HELB: variants seen among roughly 807,000 people sequenced by gnomAD.
HELB encodes the protein DNA 5'-3' helicase B.
In HELB, 96 loss-of-function variants were observed where a neutral mutation model predicts 101.7. The ratio of observed to expected loss-of-function variants is 0.94; its 90% CI spans 0.80 to 1.12. The LOEUF is 1.12. Ranked by LOEUF, HELB falls within the 50% of genes most tolerant of loss-of-function variation. The pLI, the probability that HELB is intolerant of heterozygous loss-of-function variation, is 0.00. For synonymous variants in HELB, 437 were observed against 459.7 expected (o/e 0.95, Z 0.63); for missense variants, 1,210 against 1,291.9 (o/e 0.94, Z 0.97).
At position 66,331,300 on chromosome 12, in the gene HELB, C is replaced by T. The variant is rs1448198703; in HGVS notation, c.2817C>T (p.Asn939=). Residue 939 remains asparagine (N), a synonymous_variant, in exon 12 of 13, where the codon AAC becomes AAT. Coordinates refer to ENST00000247815, the MANE Select transcript of HELB (RefSeq NM_001370285.1). ...AGCTCCGGAATGCCATTATGAAAAA[C>T]AGTTTTCCTAGAAAAACTCGTTTGA... ...ESQLRNAIMK[N]SFPRKTRLKH... 6.2e-7 allele frequency: 1 copy of T among 1,614,038 alleles called. No individual in the cohort carries two copies. The highest frequency in any genetic ancestry group is 8.5e-7 in the Non-Finnish European group (1 of 1,180,028).
At chr12:66,342,055 G>A (rs907912327), downstream of HELB, 2 of 152,054 alleles carry the variant, frequency 1.3e-5, no homozygotes, top group African/African-American at 4.8e-5. Flanking sequence ...TGTGCTTTTG[G>A]TGTTATATCC....
At chr12:66,335,252 G>T (rs963579048) in intron 12 of HELB, among the ~76,000 whole-genome samples, 1 of 152,150 alleles carries the variant, frequency 6.6e-6, no homozygotes, top group Non-Finnish European at 1.5e-5. Flanking sequence ...GGAATCATTG[G>T]CATGTAGTGA....
intron 3 of HELB, among the ~76,000 whole-genome samples, chr12:66,307,853 C>T (rs1468019226): frequency 6.6e-6 from 1 of 151,474 alleles, no homozygotes; most frequent in Non-Finnish European, 1.5e-5. Flanking sequence ...TGCCTCAGCT[C>T]CCGAATAGCT....
At chr12:66,310,693 G>GATTAC in intron 4 of HELB, 85 bp downstream of exon 4, 1 of 1,252,684 alleles carries the variant, frequency 8.0e-7, no homozygotes, top group Non-Finnish European at 1.1e-6. Flanking sequence ...GAACTTTTGG[G>GATTAC]AGACTGAGGC....
At chr12:66,303,897 C>G (rs2053440357) in intron 1 of HELB, among the ~76,000 whole-genome samples, 1 of 152,168 alleles carries the variant, frequency 6.6e-6, no homozygotes, top group South Asian at 2.1e-4. Context: ...TATATCTGCA[C>G]TGTCTGGTAT....
intron 1 of HELB, 43 bp downstream of exon 1, chr12:66,302,833 A>T: frequency 6.6e-7 from 1 of 1,518,872 alleles, no homozygotes; most frequent in Non-Finnish European, 8.9e-7. Context: ...GGAGGGTCCA[A>T]AGTAGCGCTT....
chr12:66,308,368 G>C (rs1202575821), intron 3 of HELB, among the ~76,000 whole-genome samples: 2 of 152,186 alleles, frequency 1.3e-5, no homozygotes, highest in Admixed American at 1.3e-4. Context: ...CTCCTGTCCA[G>C]TCACTCTTCA....
At chr12:66,306,559 A>G (rs772716469) in intron 3 of HELB, 45 bp downstream of exon 3, 2 of 1,375,316 alleles carry the variant, frequency 1.5e-6, no homozygotes, top group Admixed American at 2.7e-5. Context: ...TGTGTAAGGC[A>G]TGGTTTCAGA....
intron 12 of HELB, among the ~76,000 whole-genome samples, chr12:66,335,603 A>C (rs117301143): frequency 0.013 from 1,994 of 152,306 alleles, 103 homozygotes; most frequent in Admixed American, 0.089. Flanking sequence ...GGATGGGTAC[A>C]TTAAGGCATC....
rs1488120075 is a variant in HELB at position 66,318,518 on chromosome 12, C to A, written c.2001-120C>A. On this transcript the variant is annotated intron_variant, in intron 6 of 12. Coordinates refer to ENST00000247815, the MANE Select transcript of HELB (RefSeq NM_001370285.1). Reference sequence around the variant, plus strand: ...TATTTATAATGCATACCTGGATGACCTTTTCTCTCTGTTATCTATTAATAG... The same window carrying A: ...TATTTATAATGCATACCTGGATGACATTTTCTCTCTGTTATCTATTAATAG... 7 of 886,684 alleles carry A rather than the reference C, an allele frequency of 7.9e-6. No homozygotes were observed. In the East Asian group the frequency reaches 1.5e-4, roughly 18 times the overall value. 54.9% of individuals were successfully genotyped at this position (886,684 alleles called of 1,614,324 possible).
intron 10 of HELB, chr12:66,324,453 T>G (rs2053712195): frequency 2.8e-6 from 1 of 357,492 alleles, no homozygotes; most frequent in Non-Finnish European, 5.0e-6. Context: ...GTGCTTCTTC[T>G]TATATTTTCT....
downstream of HELB, chr12:66,338,921 T>G (rs1168382536): frequency 2.0e-5 from 3 of 152,252 alleles, no homozygotes; most frequent in Non-Finnish European, 4.4e-5. Flanking sequence ...TGGAAGTGCT[T>G]TCTGAGTTGG....
downstream of HELB, chr12:66,338,653 CAA>C (rs2053892158): frequency 2.2e-5 from 2 of 90,106 alleles, no homozygotes; most frequent in African/African-American, 5.6e-5. Flanking sequence ...AAAAAAAAAA[CAA>C]ACAAACAAAC....
In HELB at chr12:66,318,513, A is replaced by C. The variant is rs1006222750; in HGVS notation, c.2001-125A>C. On this transcript the variant is annotated intron_variant, in intron 6 of 12. Coordinates refer to ENST00000247815, the MANE Select transcript of HELB (RefSeq NM_001370285.1). ...TTTACTATTTATAATGCATACCTGG[A>C]TGACCTTTTCTCTCTGTTATCTATT... 2.4e-5 allele frequency: 19 copies of C among 802,614 alleles called. No individual in the cohort carries two copies. The African/African-American group carries it at 2.9e-4, about 12-fold the overall frequency. 49.7% of individuals were successfully genotyped at this position (802,614 alleles called of 1,614,324 possible). A position where few individuals can be genotyped will look rare whatever the true frequency, so the allele number is the denominator to read the frequency against.
intron 7 of HELB, 61 bp from the exon 8 acceptor site, chr12:66,321,887 A>G (rs1001535572): frequency 2.9e-6 from 2 of 684,990 alleles, no homozygotes; most frequent in Non-Finnish European, 2.6e-6. Context: ...TAGTTTCTTC[A>G]TAGAAATTGT....
intron 8 of HELB, among the ~76,000 whole-genome samples, 179 bp from the exon 9 acceptor site, chr12:66,322,545 A>G (rs1458304211): frequency 7.1e-6 from 1 of 141,786 alleles, no homozygotes; most frequent in African/African-American, 2.7e-5. Flanking sequence ...AGCCTGGGCA[A>G]CAAGAGCGAG....
intron 12 of HELB, among the ~76,000 whole-genome samples, chr12:66,332,627 A>C (rs2053822612): frequency 6.6e-6 from 1 of 152,016 alleles, no homozygotes. Context: ...TATTTTACTG[A>C]ATTGCTTTAT....
intron 12 of HELB, among the ~76,000 whole-genome samples, chr12:66,335,847 A>C (rs541291239): frequency 1.3e-5 from 2 of 152,174 alleles, no homozygotes; most frequent in African/African-American, 4.8e-5. Flanking sequence ...AGCAGTTCCA[A>C]GCTGATCACC....
intron 1 of HELB, among the ~76,000 whole-genome samples, chr12:66,303,098 TTTTTTTTTTA>T (rs2053427476): frequency 8.6e-6 from 1 of 116,228 alleles, no homozygotes; most frequent in Non-Finnish European, 1.9e-5. Context: ...TTTTTTTTTT[TTTTTTTTTTA>T]AAATTATTCT....
Sources: allele counts gnomAD v4.1 joint callset (sites outside exome capture counted in the v4.1 genomes callset), GRCh38; gene constraint gnomAD v4.1.1; transcripts MANE v1.5; gene names NCBI Gene and HGNC (gene_info 2026-07-23, HGNC 2026-07-21).